Variants in TMEM178B observed in about 807,000 individuals in gnomAD.
TMEM178B encodes the protein transmembrane protein 178B.
In TMEM178B, 5 loss-of-function variants were observed where a neutral mutation model predicts 31.0. The observed-to-expected ratio is 0.16, with a 90% confidence interval of 0.08 to 0.34. The LOEUF is 0.34. Ranked by LOEUF, TMEM178B falls within the 10% of genes least tolerant of loss-of-function variation. The probability of loss-of-function intolerance (pLI) is 1.00; values close to 1 mark genes in which losing one functional copy is unlikely to be tolerated. For missense variants in TMEM178B, 275 were observed against 400.3 expected, an observed-to-expected ratio of 0.69 and a Z score of 2.67; for synonymous variants, 164 against 164.0, an observed-to-expected ratio of 1.00 and a Z score of 0.00.
chr7:141,236,761 A>G (rs1016664), intron 2 of TMEM178B, among the ~76,000 whole-genome samples: 125,063 of 152,176 alleles, frequency 0.82, 51,772 homozygotes, highest in African/African-American at 0.91. Flanking sequence ...GCCCTGATGA[A>G]GGAAAGATTT....
chr7:141,398,801 C>T (rs1188781159), intron 2 of TMEM178B, among the ~76,000 whole-genome samples: 3 of 152,160 alleles, frequency 2.0e-5, no homozygotes, highest in African/African-American at 7.2e-5. Context: ...GAGGAGGAAT[C>T]TAAGACCCAG....
intron 3 of TMEM178B, among the ~76,000 whole-genome samples, chr7:141,444,104 T>TAGACCTAGAA (rs1801710159): frequency 1.3e-5 from 2 of 152,356 alleles, no homozygotes; most frequent in East Asian, 3.9e-4. Flanking sequence ...CAGCCGTTTC[T>TAGACCTAGAA]TCAAGGAGCT....
the TMEM178B span, among the ~76,000 whole-genome samples, chr7:141,488,741 A>G: frequency 6.6e-6 from 1 of 151,806 alleles, no homozygotes; most frequent in Non-Finnish European, 1.5e-5. Context: ...CCCGGCCTGC[A>G]TTTTCTTCTG....
chr7:141,130,069 G>A lies in TMEM178B; in HGVS notation c.382+55377G>A, dbSNP rs10266591. 6.4e-3 allele frequency among the ~76,000 whole-genome samples: 969 copies of A among 152,262 alleles called. 12 individuals are homozygous for A. Among genetic ancestry groups the A allele is most frequent in the African/African-American group, 0.021 (885 of 41,546 alleles). ...CAGATTCCTATTCATATCTTTAAAA[G>A]GTGCTAGACTCTCAGTTAATCTCTT... is the stretch of plus-strand genomic sequence containing the variant. On this transcript the variant is annotated intron_variant, in intron 1 of 3. Transcript: ENST00000565468.
intron 2 of TMEM178B, among the ~76,000 whole-genome samples, chr7:141,284,734 C>T (rs1269749779): frequency 6.6e-6 from 1 of 152,096 alleles, no homozygotes; most frequent in African/African-American, 2.4e-5. Flanking sequence ...AGTGAATGAC[C>T]AACAACACTA....
rs62486679 is a variant in TMEM178B, at chr7:141,358,959, G to A, written c.497-78649G>A. Among the ~76,000 whole-genome samples, 748 of 152,166 alleles carry A rather than the reference G, an allele frequency of 4.9e-3. 3 individuals are homozygous for A. Among genetic ancestry groups the A allele is most frequent in the Non-Finnish European group, 8.7e-3 (594 of 68,002 alleles). On this transcript the variant is annotated intron_variant, in intron 2 of 3. Coordinates refer to ENST00000565468, the MANE Select transcript of TMEM178B (RefSeq NM_001195278.2). ...CACATGCACCCACTCACCTCTGTAC[G>A]TACTCTTGTACAGACAGTTCATAGT... is the stretch of plus-strand genomic sequence containing the variant.
intron 2 of TMEM178B, among the ~76,000 whole-genome samples, chr7:141,346,008 C>T (rs968749219): frequency 1.3e-5 from 2 of 151,818 alleles, no homozygotes; most frequent in East Asian, 1.9e-4. Context: ...CTGAGGCGGG[C>T]GGATCACGAG....
intron 2 of TMEM178B, among the ~76,000 whole-genome samples, chr7:141,354,665 C>T (rs1347843108): frequency 2.0e-5 from 3 of 152,326 alleles, no homozygotes; most frequent in South Asian, 2.1e-4. Context: ...CCTTTTAAGC[C>T]TTAGAAACCT....
chr7:141,076,947 A>G (rs1794609393), intron 1 of TMEM178B, among the ~76,000 whole-genome samples: 1 of 152,206 alleles, frequency 6.6e-6, no homozygotes, highest in South Asian at 2.1e-4. Flanking sequence ...ACAAATCTTG[A>G]GAGAGTTAAG....
chr7:141,364,659 CAAAAAAAA>C (rs980786132), intron 2 of TMEM178B, among the ~76,000 whole-genome samples: 2 of 47,694 alleles, frequency 4.2e-5, no homozygotes, highest in Admixed American at 5.4e-4. Flanking sequence ...GACTCTGTCT[CAAAAAAAA>C]AAAAAAAAAA....
At chr7:141,290,567 G>T (rs1298318326) in intron 2 of TMEM178B, among the ~76,000 whole-genome samples, 2 of 151,842 alleles carry the variant, frequency 1.3e-5, no homozygotes, top group Non-Finnish European at 2.9e-5. Context: ...ATGCACACAC[G>T]CACACACACG....
intron 2 of TMEM178B, among the ~76,000 whole-genome samples, chr7:141,287,943 T>G (rs2116414458): frequency 6.6e-6 from 1 of 152,340 alleles, no homozygotes; most frequent in East Asian, 1.9e-4. Flanking sequence ...TTAAATTATC[T>G]TCTCTGAGCA....
chr7:141,174,343 T>G (rs1259407645), intron 1 of TMEM178B, among the ~76,000 whole-genome samples: 1 of 152,252 alleles, frequency 6.6e-6, no homozygotes, highest in African/African-American at 2.4e-5. Flanking sequence ...GTGCCACATT[T>G]TCTTAATCTA....
At chr7:141,169,643 A>G (rs1369104114) in intron 1 of TMEM178B, among the ~76,000 whole-genome samples, 1 of 152,200 alleles carries the variant, frequency 6.6e-6, no homozygotes, top group Non-Finnish European at 1.5e-5. Context: ...CTCAGTATTT[A>G]TGGAGAAAAT....
At chr7:141,363,092 A>G (rs1363553071) in intron 2 of TMEM178B, among the ~76,000 whole-genome samples, 1 of 152,174 alleles carries the variant, frequency 6.6e-6, no homozygotes, top group Non-Finnish European at 1.5e-5. Flanking sequence ...TTTAAAGGAG[A>G]CAAAAATCAT....
At position 141,144,605 on chromosome 7, in the gene TMEM178B, G is replaced by A. The variant is rs556238001; in HGVS notation, c.383-67986G>A. On this transcript the variant is annotated intron_variant, in intron 1 of 3. Transcript: ENST00000565468. ...CGATGCTGGGAGGCCTGAGCACTGG[G>A]GGTCGGAAGTGTTTCTAAAGGATAC... Among the ~76,000 whole-genome samples the A allele has an allele frequency of 9.2e-5, 14 of 152,270 alleles. No individual in the cohort carries two copies. In the South Asian group the frequency reaches 2.9e-3, roughly 32 times the overall value.
rs183148931 is a variant in TMEM178B at position 141,082,468 on chromosome 7, A to G, written c.382+7776A>G. Among the ~76,000 whole-genome samples the G allele has an allele frequency of 2.5e-3, 388 of 152,386 alleles. 3 individuals carry two copies. Among genetic ancestry groups the G allele is most frequent in the African/African-American group, 9.0e-3 (376 of 41,594 alleles). On this transcript the variant is annotated intron_variant, in intron 1 of 3. Coordinates refer to ENST00000565468, the MANE Select transcript of TMEM178B (RefSeq NM_001195278.2). ...CACCTTCAAAGAAACACATGCAAAC[A>G]TCCATAGTCTTGTATACATGATGTG... is the stretch of plus-strand genomic sequence containing the variant.
At chr7:141,438,875 C>A (rs865877363) in intron 3 of TMEM178B, among the ~76,000 whole-genome samples, 235 of 132,716 alleles carry the variant, frequency 1.8e-3, no homozygotes, top group Middle Eastern at 7.8e-3. Context: ...GATTCCGTCT[C>A]AAAAAAAAAG....
intron 2 of TMEM178B, among the ~76,000 whole-genome samples, chr7:141,263,287 A>C (rs1798043265): frequency 6.6e-6 from 1 of 151,948 alleles, no homozygotes; most frequent in Non-Finnish European, 1.5e-5. Flanking sequence ...TGCCTATATA[A>C]TTTCTTCTCT....
Sources: allele counts gnomAD v4.1 joint callset (sites outside exome capture counted in the v4.1 genomes callset), GRCh38; gene constraint gnomAD v4.1.1; transcripts MANE v1.5; gene names NCBI Gene and HGNC (gene_info 2026-07-23, HGNC 2026-07-21).